Variants in COMT observed in about 807,000 individuals in gnomAD.
The protein encoded by COMT is catechol O-methyltransferase.
In COMT, 13 loss-of-function variants were observed where a neutral mutation model predicts 18.9. The observed-to-expected ratio is 0.69, with a 90% CI of 0.45 to 1.09. COMT has a LOEUF of 1.09. Among genes scored for constraint, COMT ranks in the 50% least tolerant of loss-of-function variants. COMT has a pLI of 0.00. For synonymous variants in COMT, 150 were observed against 160.9 expected, an observed-to-expected ratio of 0.93 and a Z score of 0.51; for missense variants, 329 against 361.8, an observed-to-expected ratio of 0.91 and a Z score of 0.73.
At chr22:19,944,889 C>G (rs1469442678) in intron 1 of COMT, among the ~76,000 whole-genome samples, 1 of 152,122 alleles carries the variant, frequency 6.6e-6, no homozygotes, top group Non-Finnish European at 1.5e-5. Context: ...CTGATAACTC[C>G]CAAGGGGGTG....
At chr22:19,947,229 T>G in intron 1 of COMT, among the ~76,000 whole-genome samples, 1 of 152,158 alleles carries the variant, frequency 6.6e-6, no homozygotes, top group Admixed American at 6.5e-5. Flanking sequence ...AATAACATTT[T>G]TTATTTGACA....
chr22:19,966,990 A>T (rs1942434955), intron 5 of COMT: 1 of 985,290 alleles, frequency 1.0e-6, no homozygotes, highest in Non-Finnish European at 1.2e-6. Context: ...CCAGTTCTCC[A>T]GGTGGTCTGA....
In COMT at chr22:19,969,843, A is replaced by G. The variant is rs1942644949; in HGVS notation, c.*1107A>G. 1.0e-6 allele frequency: 1 copy of G among 985,244 alleles called. No homozygotes were observed. The highest frequency in any genetic ancestry group is 4.7e-5 in the South Asian group (1 of 21,282). The allele number at this position is 985,244 out of a possible 1,614,324, so 61.0% of individuals were successfully genotyped here. ...TGCCCCAGACGCGCAGAGGCCCGAC[A>G]CAAGGGAGAAGCCAGCCACTTGTGC... On this transcript the variant is annotated 3_prime_UTR_variant, in exon 6 of 6. Coordinates refer to ENST00000361682, the MANE Select transcript of COMT (RefSeq NM_000754.4).
chr22:19,950,857 C>T (rs368947486), intron 1 of COMT: 1 of 152,180 alleles, frequency 6.6e-6, no homozygotes, highest in Non-Finnish European at 1.5e-5. Context: ...GACAGAGGCG[C>T]ACTTGTTCCT....
At chr22:19,946,912 T>TGG (rs1941846014) in intron 1 of COMT, among the ~76,000 whole-genome samples, 8 of 129,066 alleles carry the variant, frequency 6.2e-5, no homozygotes, top group South Asian at 4.9e-4. Context: ...TTTTTTTAGT[T>TGG]TTTTTTTTTT....
chr22:19,957,507 C>T (rs558523036), intron 1 of COMT, among the ~76,000 whole-genome samples: 22 of 152,338 alleles, frequency 1.4e-4, no homozygotes, highest in South Asian at 4.1e-4. Context: ...GTGATGGACT[C>T]TCTAGCTCTG....
intron 2 of COMT, 91 bp from the exon 3 acceptor site, chr22:19,962,436 A>AG: frequency 6.5e-7 from 1 of 1,532,556 alleles, no homozygotes; most frequent in Non-Finnish European, 8.7e-7. Flanking sequence ...TGCAAACACA[A>AG]GGGGGCGATG....
intron 1 of COMT, among the ~76,000 whole-genome samples, chr22:19,942,487 G>C (rs1185602149): frequency 1.3e-5 from 2 of 152,172 alleles, no homozygotes; most frequent in African/African-American, 4.8e-5. Context: ...GACTCCCCAG[G>C]GTCGGGGGGA....
chr22:19,968,392 G>A (rs898061935), intron 5 of COMT, 144 bp from the exon 6 acceptor site: 12 of 783,158 alleles, frequency 1.5e-5, no homozygotes, highest in Admixed American at 1.2e-4. Flanking sequence ...CAGGAGTCAC[G>A]CTGGGCAGAA....
chr22:19,941,778 C>G lies in COMT; in HGVS notation c.-211C>G, dbSNP rs866665461. The G allele has an allele frequency of 9.2e-6, 14 of 1,527,462 alleles. No homozygotes were observed. The highest frequency in any genetic ancestry group is 1.2e-5 in the Non-Finnish European group (14 of 1,147,386). The allele number at this position is 1,527,462 out of a possible 1,614,324, so 94.6% of individuals were successfully genotyped here. ...CCACCGGAAGCGCCCTCCTAATCCC[C>G]GCAGCGCCACCGCCATTGCCGCCAT... On this transcript the variant is annotated 5_prime_UTR_variant, in exon 1 of 6. Coordinates refer to ENST00000361682, the MANE Select transcript of COMT (RefSeq NM_000754.4).
rs1438692937 is a variant in COMT at position 19,969,598 on chromosome 22, A to C, written c.*862A>C. On this transcript the variant is annotated 3_prime_UTR_variant, in exon 6 of 6. Coordinates refer to ENST00000361682, the MANE Select transcript of COMT (RefSeq NM_000754.4). Reference sequence around the variant, plus strand: ...CCCAGTTCCCAGGCCCAGGACAGGAATCAACCCTGTGCTAGCTGAGTTCAC... The same window carrying C: ...CCCAGTTCCCAGGCCCAGGACAGGACTCAACCCTGTGCTAGCTGAGTTCAC... 1 of 154,188 alleles carries C rather than the reference A, an allele frequency of 6.5e-6. No individual in the cohort carries two copies. The highest frequency in any genetic ancestry group is 1.9e-4 in the East Asian group (1 of 5,196). 9.6% of individuals were successfully genotyped at this position (154,188 alleles called of 1,614,324 possible).
At chr22:19,944,860 C>G (rs1279483683) in intron 1 of COMT, among the ~76,000 whole-genome samples, 1 of 152,078 alleles carries the variant, frequency 6.6e-6, no homozygotes, top group Non-Finnish European at 1.5e-5. Flanking sequence ...CTACAAAAGA[C>G]AGTGAACTAG....
At chr22:19,946,444 C>T (rs1046139558) in intron 1 of COMT, among the ~76,000 whole-genome samples, 1 of 152,036 alleles carries the variant, frequency 6.6e-6, no homozygotes, top group South Asian at 2.1e-4. Context: ...GCCAAGATCA[C>T]GCCACTGCAC....
chr22:19,960,281 A>G (rs1443695656), intron 1 of COMT, among the ~76,000 whole-genome samples: 1 of 152,246 alleles, frequency 6.6e-6, no homozygotes, highest in East Asian at 1.9e-4. Context: ...AGTAAACAAA[A>G]TGGCCCATTA....
At chr22:19,966,611 A>T (rs1176376612) in intron 5 of COMT, among the ~76,000 whole-genome samples, 23 of 151,812 alleles carry the variant, frequency 1.5e-4, no homozygotes, top group Admixed American at 1.5e-3. Flanking sequence ...TGGCTAATTT[A>T]AAAATTTTTT....
chr22:19,945,913 C>T (rs112470783), intron 1 of COMT, among the ~76,000 whole-genome samples: 26 of 152,328 alleles, frequency 1.7e-4, no homozygotes, highest in Non-Finnish European at 3.5e-4. Flanking sequence ...GATCCACCCG[C>T]CTCGGCCTCC....
chr22:19,952,421 T>C (rs528729634), intron 1 of COMT, among the ~76,000 whole-genome samples: 1,582 of 144,996 alleles, frequency 0.011, 16 homozygotes, highest in Non-Finnish European at 0.016. Flanking sequence ...GGGCGGATCA[T>C]GAGGTCAGGA....
chr22:19,952,957 TAAATAAATAAA>T (rs1308088080), intron 1 of COMT, among the ~76,000 whole-genome samples: 45 of 1,026 alleles, frequency 0.044, no homozygotes, highest in African/African-American at 0.23. Flanking sequence ...TCTCAAAAAA[TAAATAAATAAA>T]TAAATAAATA....
intron 1 of COMT, among the ~76,000 whole-genome samples, chr22:19,945,941 A>T (rs1052511199): frequency 1.3e-5 from 2 of 152,182 alleles, no homozygotes; most frequent in African/African-American, 4.8e-5. Flanking sequence ...CTGGGATTAC[A>T]GGCGTGAGCC....
Sources: gnomAD v4.1 joint callset for allele counts (sites outside exome capture counted in the v4.1 genomes callset) on GRCh38, gnomAD v4.1.1 for gene constraint, MANE v1.5 for transcripts, NCBI Gene and HGNC (gene_info 2026-07-23, HGNC 2026-07-21) for gene names.